UGT1A9: variants seen among roughly 807,000 people sequenced by gnomAD.
UGT1A9 encodes UDP glucuronosyltransferase family 1 member A9, also known as UDP-glucuronosyltransferase 1A9.
Under a neutral mutation model 45.0 loss-of-function variants are expected in UGT1A9, and 35 were observed. The ratio of observed to expected loss-of-function variants is 0.78; its 90% CI spans 0.59 to 1.03. UGT1A9 has a LOEUF of 1.03. Among genes scored for constraint, UGT1A9 ranks in the 50% least tolerant of loss-of-function variants. UGT1A9 has a pLI of 0.00. For missense variants in UGT1A9, 687 were observed against 666.6 expected (o/e 1.03, Z -0.34); for synonymous variants, 278 against 250.6 (o/e 1.11, Z -1.03).
At chr2:233,728,962 CAG>C in intron 1 of UGT1A9, 1 of 1,451,584 alleles carries the variant, frequency 6.9e-7, no homozygotes, top group Non-Finnish European at 9.2e-7. Flanking sequence ...CAGTGAAAAA[CAG>C]TGATAGATTA....
At chr2:233,743,851 C>G in intron 1 of UGT1A9, 1 of 1,367,244 alleles carries the variant, frequency 7.3e-7, no homozygotes, top group Non-Finnish European at 9.8e-7. Context: ...GCTTGCGGTA[C>G]GCCTTCTTGA....
In UGT1A9 at chr2:233,683,245, G is replaced by GT. The variant is rs555678771; in HGVS notation, c.855+10463dup. Among the ~76,000 whole-genome samples the GT allele has an allele frequency of 1.1e-4, 17 of 152,028 alleles. No individual in the cohort carries two copies. The South Asian group carries it at 3.3e-3, about 30-fold the overall frequency. ...TAAAATCTACTATCATGCTGGCTAT[G>GT]TTTTTTTATGTTAGATTTTTCTCTT... On this transcript the variant is annotated intron_variant, in intron 1 of 4. Transcript: ENST00000354728.
chr2:233,675,307 T>C lies in UGT1A9; in HGVS notation c.855+2518T>C, dbSNP rs574225791. ...TTTTACATTCCAGCGTTCTAATGTG[T>C]GTGTGTTGATTAATGATGTGTAAAT... On this transcript the variant is annotated intron_variant, in intron 1 of 4. Transcript: ENST00000354728. Among the ~76,000 whole-genome samples, 5 of 152,292 alleles carry C rather than the reference T, an allele frequency of 3.3e-5. No individual in the cohort carries two copies. The South Asian group carries it at 1.0e-3, about 32-fold the overall frequency.
At position 233,761,028 on chromosome 2, in the gene UGT1A9, A is replaced by G. The variant is rs1400753834; in HGVS notation, c.856-6006A>G. The G allele has an allele frequency of 9.3e-6, 15 of 1,614,144 alleles. No individual in the cohort carries two copies. Among genetic ancestry groups the G allele is most frequent in the Non-Finnish European group, 1.3e-5 (15 of 1,180,012 alleles). Reference sequence around the variant, plus strand: ...AGAGAGAGGTGACTGTCCAGGACCTATTGAGCTCTGCATCTGTCTGGCTGT... The same window carrying G: ...AGAGAGAGGTGACTGTCCAGGACCTGTTGAGCTCTGCATCTGTCTGGCTGT... On this transcript the variant is annotated intron_variant, in intron 1 of 4. Transcript: ENST00000354728.
chr2:233,675,503 A>G (rs1249036986), intron 1 of UGT1A9, among the ~76,000 whole-genome samples: 1 of 152,208 alleles, frequency 6.6e-6, no homozygotes, highest in Admixed American at 6.5e-5. Context: ...ATATGGTTAC[A>G]GATAAATAAG....
chr2:233,704,913 C>T (rs575509473), intron 1 of UGT1A9, among the ~76,000 whole-genome samples: 23 of 152,088 alleles, frequency 1.5e-4, no homozygotes, highest in Non-Finnish European at 2.9e-4. Flanking sequence ...GCAGGTGGAT[C>T]ACCTGAGACC....
Position 233,701,134 on chromosome 2 carries a change from G to C in UGT1A9, c.855+28345G>C, listed in dbSNP as rs906928223. 1.2e-4 allele frequency among the ~76,000 whole-genome samples: 19 copies of C among 152,132 alleles called. 1 individual carries two copies. The highest frequency in any genetic ancestry group is 4.6e-4 in the African/African-American group (19 of 41,418). On this transcript the variant is annotated intron_variant, in intron 1 of 4. Coordinates refer to ENST00000354728, the MANE Select transcript of UGT1A9 (RefSeq NM_021027.3). ...CAGTCTATCATTGAGGGACATTTAG[G>C]TTGGTTCCAAGTCTTTGCTATTGTG...
chr2:233,695,167 T>C (rs898009991), intron 1 of UGT1A9, among the ~76,000 whole-genome samples: 3 of 145,396 alleles, frequency 2.1e-5, no homozygotes, highest in East Asian at 2.0e-4. Flanking sequence ...CACTCTGTCA[T>C]CAGGCTGGAG....
intron 1 of UGT1A9, among the ~76,000 whole-genome samples, chr2:233,710,671 T>C (rs1171384560): frequency 1.3e-5 from 2 of 152,206 alleles, no homozygotes; most frequent in African/African-American, 2.4e-5. Flanking sequence ...TGTCAGATAG[T>C]TGTGTTTCTG....
chr2:233,702,607 C>T (rs1338677633), intron 1 of UGT1A9, among the ~76,000 whole-genome samples: 1 of 151,988 alleles, frequency 6.6e-6, no homozygotes, highest in Non-Finnish European at 1.5e-5. Context: ...TGAGTAGATG[C>T]CCCCCACATT....
intron 1 of UGT1A9, among the ~76,000 whole-genome samples, chr2:233,700,963 T>G (rs1349479998): frequency 6.6e-6 from 1 of 151,662 alleles, no homozygotes; most frequent in Admixed American, 6.6e-5. Flanking sequence ...AGTGAGAACA[T>G]GCGGTGTTTG....
chr2:233,750,098 G>A (rs1449295750), intron 1 of UGT1A9, among the ~76,000 whole-genome samples: 1 of 151,902 alleles, frequency 6.6e-6, no homozygotes, highest in Non-Finnish European at 1.5e-5. Context: ...AGTTTGGAGA[G>A]CTCAGAAGAA....
intron 1 of UGT1A9, among the ~76,000 whole-genome samples, chr2:233,687,869 C>T (rs17863781): frequency 6.6e-6 from 1 of 152,188 alleles, no homozygotes; most frequent in African/African-American, 2.4e-5. Context: ...GACTATTCCA[C>T]TCCACTCCAG....
At chr2:233,697,489 C>T (rs1191333347) in intron 1 of UGT1A9, among the ~76,000 whole-genome samples, 1 of 150,104 alleles carries the variant, frequency 6.7e-6, no homozygotes, top group Admixed American at 6.6e-5. Context: ...CAAGGTTTGC[C>T]AATTTTGTTT....
intron 1 of UGT1A9, chr2:233,681,793 CA>C: frequency 6.8e-7 from 1 of 1,466,224 alleles, no homozygotes; most frequent in South Asian, 1.5e-5. Context: ...ATGAGTAAAT[CA>C]TTGGCAGTGA....
chr2:233,691,147 C>T, intron 1 of UGT1A9: 3 of 985,798 alleles, frequency 3.0e-6, no homozygotes, highest in Non-Finnish European at 3.6e-6. Context: ...ATGAACTGTT[C>T]TTTGAAGGAA....
intron 1 of UGT1A9, among the ~76,000 whole-genome samples, chr2:233,678,058 T>C (rs2074407425): frequency 6.6e-6 from 1 of 152,162 alleles, no homozygotes; most frequent in Admixed American, 6.5e-5. Context: ...TAAGGGAATA[T>C]ATACAGGCAC....
In UGT1A9 at chr2:233,687,337, T is replaced by C. The variant is rs573612670; in HGVS notation, c.855+14548T>C. ...CTTGATGCAAGTTTCCCTTGAATGA[T>C]TTAAACTTCAGATGGGTGGACTGTC... On this transcript the variant is annotated intron_variant, in intron 1 of 4. Transcript: ENST00000354728. 2.0e-5 allele frequency among the ~76,000 whole-genome samples: 3 copies of C among 152,222 alleles called. No homozygotes were observed. In the East Asian group the frequency reaches 5.8e-4, roughly 29 times the overall value.
At chr2:233,697,288 T>G (rs929797712) in intron 1 of UGT1A9, among the ~76,000 whole-genome samples, 1 of 152,166 alleles carries the variant, frequency 6.6e-6, no homozygotes, top group African/African-American at 2.4e-5. Context: ...TTTCTATTTC[T>G]TCTTCATTCA....
Sources: allele counts gnomAD v4.1 joint callset (sites outside exome capture counted in the v4.1 genomes callset), GRCh38; gene constraint gnomAD v4.1.1; transcripts MANE v1.5; gene names NCBI Gene and HGNC (gene_info 2026-07-23, HGNC 2026-07-21).